Variants in LHFPL6 observed in about 807,000 individuals in gnomAD.
The protein encoded by LHFPL6 is LHFPL tetraspan subfamily member 6.
LHFPL6 carries 9 observed loss-of-function variants against 20.6 expected under a neutral mutation model. The observed-to-expected ratio is 0.44, with a 90% CI of 0.26 to 0.76. LHFPL6 has a LOEUF of 0.76. Ranked by LOEUF, LHFPL6 falls within the 30% of genes least tolerant of loss-of-function variation. The pLI is 0.20. For missense variants in LHFPL6, 218 were observed against 253.5 expected (o/e 0.86, Z 0.95); for synonymous variants, 105 against 98.7 (o/e 1.06, Z -0.38).
chr13:39,524,637 T>C (rs1870230768), intron 2 of LHFPL6, among the ~76,000 whole-genome samples: 1 of 152,196 alleles, frequency 6.6e-6, no homozygotes, highest in African/African-American at 2.4e-5. Context: ...CTTCTTTTAG[T>C]GAAAGCACTT....
chr13:39,600,093 G>C (rs1034740662), intron 2 of LHFPL6, among the ~76,000 whole-genome samples: 1 of 152,352 alleles, frequency 6.6e-6, no homozygotes, highest in Admixed American at 6.5e-5. Flanking sequence ...AGATATTGAA[G>C]CAATACTTGC....
intron 3 of LHFPL6, among the ~76,000 whole-genome samples, chr13:39,352,491 G>A (rs900696445): frequency 6.6e-6 from 1 of 152,128 alleles, no homozygotes; most frequent in African/African-American, 2.4e-5. Context: ...CCCTCTGACT[G>A]CATGCCATTT....
intron 2 of LHFPL6, among the ~76,000 whole-genome samples, chr13:39,444,973 A>G (rs1436914966): frequency 2.0e-5 from 3 of 152,240 alleles, no homozygotes; most frequent in African/African-American, 7.2e-5. Context: ...CAGCAAAGCC[A>G]CAGGGGCAGG....
At chr13:39,571,807 G>A (rs1408414527) in intron 2 of LHFPL6, among the ~76,000 whole-genome samples, 2 of 152,232 alleles carry the variant, frequency 1.3e-5, no homozygotes, top group South Asian at 2.1e-4. Flanking sequence ...CACCCTCACA[G>A]GGGCGCCACC....
intron 2 of LHFPL6, among the ~76,000 whole-genome samples, chr13:39,503,400 T>C (rs1472613638): frequency 6.6e-6 from 1 of 152,202 alleles, no homozygotes; most frequent in African/African-American, 2.4e-5. Flanking sequence ...TACCTGACCA[T>C]TTTATTAATA....
intron 2 of LHFPL6, among the ~76,000 whole-genome samples, chr13:39,560,305 T>C (rs779617476): frequency 6.6e-6 from 1 of 152,124 alleles, no homozygotes; most frequent in Non-Finnish European, 1.5e-5. Flanking sequence ...GTGAGAAAAC[T>C]AAGATTCAGA....
chr13:39,381,613 T>C (rs543105607), intron 2 of LHFPL6, among the ~76,000 whole-genome samples: 29 of 152,200 alleles, frequency 1.9e-4, no homozygotes, highest in African/African-American at 6.3e-4. Flanking sequence ...TAGTCCACCA[T>C]CACTGAAGTC....
In LHFPL6 at chr13:39,567,029, GT is replaced by G. The variant is rs373103461; in HGVS notation, c.385+33802del. Reference sequence around the variant, plus strand: ...AAGCACTGAATAAATGTTAGCCAGGGTTTTTTTTTTTTTTTCATTTTTGTTT... The same window carrying G: ...AAGCACTGAATAAATGTTAGCCAGGGTTTTTTTTTTTTTTCATTTTTGTTT... On this transcript the variant is annotated intron_variant, in intron 2 of 3. Coordinates refer to ENST00000379589, the MANE Select transcript of LHFPL6 (RefSeq NM_005780.3). Among the ~76,000 whole-genome samples the G allele has an allele frequency of 4.9e-3, 600 of 123,396 alleles. 3 individuals are homozygous for G. Among genetic ancestry groups the G allele is most frequent in the African/African-American group, 0.018 (542 of 30,002 alleles). 81.0% of individuals were successfully genotyped at this position (123,396 alleles called of 152,430 possible). A position where few individuals can be genotyped will look rare whatever the true frequency, so the allele number is the denominator to read the frequency against.
intron 2 of LHFPL6, among the ~76,000 whole-genome samples, chr13:39,507,986 CCT>C (rs1220571462): frequency 6.7e-6 from 1 of 148,774 alleles, no homozygotes; most frequent in African/African-American, 2.5e-5. Flanking sequence ...CTTTCTTTTC[CCT>C]CTTTTTCTTT....
chr13:39,420,806 T>C (rs1384064839), intron 2 of LHFPL6, among the ~76,000 whole-genome samples: 1 of 152,194 alleles, frequency 6.6e-6, no homozygotes, highest in East Asian at 1.9e-4. Context: ...AGTAGCAAGA[T>C]AAAAACTGTT....
chr13:39,396,928 G>A (rs1308104844), intron 2 of LHFPL6, among the ~76,000 whole-genome samples: 1 of 152,074 alleles, frequency 6.6e-6, no homozygotes, highest in Non-Finnish European at 1.5e-5. Flanking sequence ...GCTAGGAAGA[G>A]GCAAGGAGAA....
Position 39,461,576 on chromosome 13 carries a change from C to T in LHFPL6, c.386-83050G>A, listed in dbSNP as rs570256001. On this transcript the variant is annotated intron_variant, in intron 2 of 3. Transcript: ENST00000379589. ...ACTTTAACATCATCACAAATCATCACCCCTTAAGCAAGTTTCTCCTGACAG... is the reference window on the plus strand; with the variant it reads ...ACTTTAACATCATCACAAATCATCATCCCTTAAGCAAGTTTCTCCTGACAG... Among the ~76,000 whole-genome samples the T allele has an allele frequency of 4.2e-4, 64 of 152,210 alleles. No homozygotes were observed. The South Asian group carries it at 0.013, about 31-fold the overall frequency.
At chr13:39,434,858 C>A (rs918746103) in intron 2 of LHFPL6, among the ~76,000 whole-genome samples, 1 of 151,856 alleles carries the variant, frequency 6.6e-6, no homozygotes, top group African/African-American at 2.4e-5. Flanking sequence ...AGATTGAGAC[C>A]ATCCTGGCTA....
At chr13:39,515,612 T>G (rs1869885493) in intron 2 of LHFPL6, among the ~76,000 whole-genome samples, 1 of 152,194 alleles carries the variant, frequency 6.6e-6, no homozygotes, top group South Asian at 2.1e-4. Flanking sequence ...AAATCATCAT[T>G]CTCCCTTTCT....
Position 39,506,352 on chromosome 13 carries a change from G to A in LHFPL6, c.385+94480C>T, listed in dbSNP as rs566735670. ...CTTAACAAGGGGTGAGGATCCTAAT[G>A]GTGTTCAGTGATGAATACGAAGACC... On this transcript the variant is annotated intron_variant, in intron 2 of 3. Coordinates refer to ENST00000379589, the MANE Select transcript of LHFPL6 (RefSeq NM_005780.3). 1.4e-4 allele frequency among the ~76,000 whole-genome samples: 22 copies of A among 152,204 alleles called. No individual in the cohort carries two copies. In the South Asian group the frequency reaches 4.6e-3, roughly 32 times the overall value.
At chr13:39,412,196 C>G (rs1871253273) in intron 2 of LHFPL6, among the ~76,000 whole-genome samples, 1 of 152,160 alleles carries the variant, frequency 6.6e-6, no homozygotes, top group African/African-American at 2.4e-5. Context: ...ACTATCGATA[C>G]TTACAAGAAA....
At chr13:39,524,870 A>T (rs756293233) in intron 2 of LHFPL6, among the ~76,000 whole-genome samples, 25 of 152,216 alleles carry the variant, frequency 1.6e-4, no homozygotes, top group Non-Finnish European at 3.4e-4. Flanking sequence ...ATTGCATATA[A>T]CTGAGGGTTC....
intron 2 of LHFPL6, among the ~76,000 whole-genome samples, chr13:39,516,449 G>A (rs1235097221): frequency 1.3e-5 from 2 of 152,216 alleles, no homozygotes; most frequent in Admixed American, 1.3e-4. Flanking sequence ...TGCCATGCAG[G>A]AGATTATCAT....
At chr13:39,419,742 T>C (rs1243746789) in intron 2 of LHFPL6, among the ~76,000 whole-genome samples, 1 of 152,174 alleles carries the variant, frequency 6.6e-6, no homozygotes, top group African/African-American at 2.4e-5. Context: ...CCCATATAGA[T>C]TTTTAACAAT....
Sources: allele counts gnomAD v4.1 joint callset (sites outside exome capture counted in the v4.1 genomes callset), GRCh38; gene constraint gnomAD v4.1.1; transcripts MANE v1.5; gene names NCBI Gene and HGNC (gene_info 2026-07-23, HGNC 2026-07-21).